The following MAD1L1 variants were observed in gnomAD, a reference collection of about 807,000 sequenced individuals.
MAD1L1 encodes mitotic arrest deficient 1 like 1.
MAD1L1 carries 95 observed loss-of-function variants against 96.9 expected under a neutral mutation model. The observed-to-expected ratio is 0.98, with a 90% confidence interval of 0.83 to 1.16. The LOEUF is 1.16. Ranked by LOEUF, MAD1L1 falls within the 50% of genes most tolerant of loss-of-function variation. MAD1L1 has a pLI of 0.00. For synonymous variants in MAD1L1, 473 were observed against 396.6 expected (o/e 1.19, Z -2.29); for missense variants, 1,007 against 954.4 (o/e 1.06, Z -0.73).
intron 11 of MAD1L1, among the ~76,000 whole-genome samples, chr7:2,139,305 C>T (rs563488002): frequency 1.3e-5 from 2 of 152,290 alleles, no homozygotes; most frequent in African/African-American, 4.8e-5. Context: ...CCACCCCACC[C>T]TAGCTCACGG....
chr7:1,999,248 C>G (rs1781687554), intron 14 of MAD1L1, among the ~76,000 whole-genome samples: 1 of 152,188 alleles, frequency 6.6e-6, no homozygotes, highest in South Asian at 2.1e-4. Context: ...ATAAACAAAA[C>G]AACAACCCCA....
At chr7:2,184,434 T>C (rs1404706639) in intron 10 of MAD1L1, among the ~76,000 whole-genome samples, 13 of 152,100 alleles carry the variant, frequency 8.5e-5, no homozygotes. Context: ...ATAATGCAAA[T>C]GGAATCTCAT....
At chr7:1,872,158 G>A (rs1444591284) in intron 18 of MAD1L1, among the ~76,000 whole-genome samples, 4 of 152,224 alleles carry the variant, frequency 2.6e-5, no homozygotes, top group African/African-American at 9.6e-5. Context: ...GCGACAGAGA[G>A]GCTGACACCT....
chr7:1,858,066 C>T (rs772259137), intron 18 of MAD1L1, among the ~76,000 whole-genome samples: 17 of 152,258 alleles, frequency 1.1e-4, no homozygotes, highest in Non-Finnish European at 2.1e-4. Flanking sequence ...GGAAAATGCA[C>T]GTTTCCATGT....
chr7:2,115,354 T>C (rs889969435), intron 11 of MAD1L1, among the ~76,000 whole-genome samples: 2 of 143,878 alleles, frequency 1.4e-5, no homozygotes, highest in Non-Finnish European at 3.0e-5. Flanking sequence ...GAGGAGGCAC[T>C]GGACAGGGTC....
intron 18 of MAD1L1, among the ~76,000 whole-genome samples, chr7:1,889,256 G>A (rs772911155): frequency 2.6e-5 from 4 of 152,208 alleles, no homozygotes; most frequent in Admixed American, 1.3e-4. Flanking sequence ...ACCACCCGAC[G>A]GGGGCTGACT....
chr7:2,077,580 C>G (rs1785437889), intron 11 of MAD1L1, among the ~76,000 whole-genome samples: 1 of 152,246 alleles, frequency 6.6e-6, no homozygotes, highest in African/African-American at 2.4e-5. Flanking sequence ...ACGGGCTTGG[C>G]TGAGCCAGCG....
chr7:2,025,112 G>C (rs1782943549), intron 12 of MAD1L1, among the ~76,000 whole-genome samples: 1 of 152,186 alleles, frequency 6.6e-6, no homozygotes, highest in Admixed American at 6.5e-5. Flanking sequence ...TTTAGTAACA[G>C]ACAAAACTGT....
At chr7:2,050,314 C>A (rs184312652) in intron 12 of MAD1L1, among the ~76,000 whole-genome samples, 1 of 152,238 alleles carries the variant, frequency 6.6e-6, no homozygotes, top group Admixed American at 6.5e-5. Context: ...AACCAGAGAC[C>A]AGGATGGAAC....
chr7:1,872,371 G>T (rs1396993158), intron 18 of MAD1L1, among the ~76,000 whole-genome samples: 1 of 152,160 alleles, frequency 6.6e-6, no homozygotes, highest in Admixed American at 6.5e-5. Context: ...AGGTGCACCA[G>T]GCCTCCCCAC....
intron 14 of MAD1L1, among the ~76,000 whole-genome samples, chr7:1,997,158 T>G (rs1007111082): frequency 2.0e-5 from 3 of 152,270 alleles, no homozygotes; most frequent in African/African-American, 7.2e-5. Context: ...TGCCTTTGTC[T>G]TGTCATTGGC....
At chr7:1,818,461 C>T (rs1245464249) in intron 18 of MAD1L1, among the ~76,000 whole-genome samples, 2 of 152,132 alleles carry the variant, frequency 1.3e-5, no homozygotes, top group Non-Finnish European at 2.9e-5. Flanking sequence ...ACGGGTCACT[C>T]AGCCTCGAGC....
intron 18 of MAD1L1, among the ~76,000 whole-genome samples, chr7:1,876,125 C>T (rs907399738): frequency 3.5e-4 from 53 of 152,284 alleles, no homozygotes; most frequent in African/African-American, 1.1e-3. Context: ...GTGGTGGACA[C>T]GGCCAGGTCT....
intron 3 of MAD1L1, among the ~76,000 whole-genome samples, chr7:2,229,693 C>T (rs958759392): frequency 6.6e-6 from 1 of 152,222 alleles, no homozygotes; most frequent in African/African-American, 2.4e-5. Context: ...ACTGGCTTTC[C>T]GATCCTGTCA....
intron 18 of MAD1L1, among the ~76,000 whole-genome samples, chr7:1,825,913 G>A (rs542419766): frequency 4.6e-5 from 7 of 151,746 alleles, no homozygotes; most frequent in African/African-American, 1.5e-4. Flanking sequence ...GTTGGCGGTC[G>A]GCACAGTCCC....
At chr7:1,867,343 A>AC (rs538910046) in intron 18 of MAD1L1, among the ~76,000 whole-genome samples, 43,142 of 151,658 alleles carry the variant, frequency 0.28, 7,135 homozygotes, top group East Asian at 0.46. Context: ...CCTCCGCAGG[A>AC]CCCCCCCGGA....
At chr7:2,067,870 T>G (rs1377620142) in intron 12 of MAD1L1, among the ~76,000 whole-genome samples, 1 of 152,234 alleles carries the variant, frequency 6.6e-6, no homozygotes, top group Non-Finnish European at 1.5e-5. Context: ...GCGTGGCAGG[T>G]GCTGGTCTGG....
chr7:1,981,051 C>A (rs1050696982), intron 14 of MAD1L1, among the ~76,000 whole-genome samples: 76 of 152,342 alleles, frequency 5.0e-4, no homozygotes, highest in African/African-American at 1.7e-3. Context: ...ACTGCAACCT[C>A]CACCTCGCAG....
At chr7:2,008,034 C>T (rs907078004) in intron 13 of MAD1L1, among the ~76,000 whole-genome samples, 4 of 152,242 alleles carry the variant, frequency 2.6e-5, no homozygotes, top group Admixed American at 6.5e-5. Flanking sequence ...GGCCCCAGAC[C>T]GGTGTCTCTA....
Sources: gnomAD v4.1 joint callset for allele counts (sites outside exome capture counted in the v4.1 genomes callset) on GRCh38, gnomAD v4.1.1 for gene constraint, MANE v1.5 for transcripts, NCBI Gene and HGNC (gene_info 2026-07-23, HGNC 2026-07-21) for gene names.